The following CETP variants were observed in gnomAD, a reference collection of about 807,000 sequenced individuals.
CETP encodes the protein cholesteryl ester transfer protein.
CETP carries 56 observed loss-of-function variants against 66.5 expected under a neutral mutation model. The ratio of observed to expected loss-of-function variants is 0.84; its 90% CI spans 0.68 to 1.05. The LOEUF (loss-of-function observed/expected upper bound fraction) is 1.05, where lower values mean the gene tolerates loss of function less well. Ranked by LOEUF, CETP falls within the 50% of genes least tolerant of loss-of-function variation. CETP has a pLI of 0.00. For synonymous variants in CETP, 251 were observed against 245.7 expected (o/e 1.02, Z -0.20); for missense variants, 612 against 609.6 (o/e 1.00, Z -0.04).
At chr16:56,966,640 C>T (rs1468170576) in intron 2 of CETP, among the ~76,000 whole-genome samples, 1 of 152,046 alleles carries the variant, frequency 6.6e-6, no homozygotes, top group Admixed American at 6.6e-5. Context: ...GCACTTGTCG[C>T]CCAGGCTGGA....
chr16:56,973,912 TG>T (rs2056131743), intron 9 of CETP, among the ~76,000 whole-genome samples: 1 of 152,184 alleles, frequency 6.6e-6, no homozygotes, highest in African/African-American at 2.4e-5. Context: ...GGTACGTGAC[TG>T]GGGGCTGCAT....
At chr16:56,982,661 T>C (rs751956276) in intron 14 of CETP, among the ~76,000 whole-genome samples, 1 of 152,242 alleles carries the variant, frequency 6.6e-6, no homozygotes, top group Non-Finnish European at 1.5e-5. Context: ...GTAGAATATT[T>C]ATCCCTTTGA....
intron 6 of CETP, 90 bp from the exon 7 acceptor site, chr16:56,971,230 TC>T: frequency 6.6e-7 from 1 of 1,516,756 alleles, no homozygotes; most frequent in Non-Finnish European, 9.1e-7. Context: ...CCTGTGCCGG[TC>T]CCCAGCACTG....
At chr16:56,966,563 CTGGGTTTTTTTGTTTGTTTGTTTG>C (rs1185574726) in intron 2 of CETP, among the ~76,000 whole-genome samples, 7 of 152,112 alleles carry the variant, frequency 4.6e-5, no homozygotes, top group Non-Finnish European at 1.0e-4. Flanking sequence ...TGCAGCCCGG[CTGGGTTTTTTTGTTTGTTTGTTTG>C]TGGGTTTTTT....
Position 56,983,361 on chromosome 16 carries a change from A to C in CETP, c.1357A>C (p.Lys453Gln), listed in dbSNP as rs2142007849. The change falls in exon 15 of 16, where the codon AAA becomes CAA. Residue 453 changes from lysine (K) to glutamine (Q), a missense_variant. Transcript: ENST00000200676. ...EVVFTALMNS[K>Q]GVSLFDIINP... ...AGTGTTTACAGCCCTCATGAACAGC[A>C]AAGGCGTGAGCCTCTTCGACATCAT... is the stretch of plus-strand genomic sequence containing the variant. 1 of 1,614,246 alleles carries C rather than the reference A, an allele frequency of 6.2e-7. No individual in the cohort carries two copies. Among genetic ancestry groups the C allele is most frequent in the Non-Finnish European group, 8.5e-7 (1 of 1,180,042 alleles).
intron 2 of CETP, 33 bp downstream of exon 2, chr16:56,963,157 G>C: frequency 1.9e-6 from 3 of 1,571,424 alleles, no homozygotes; most frequent in Non-Finnish European, 1.8e-6. Flanking sequence ...CCAGGCTGGG[G>C]GTAGGGAGGC....
intron 8 of CETP, 100 bp from the exon 9 acceptor site, chr16:56,973,231 A>T: frequency 7.9e-7 from 1 of 1,266,308 alleles, no homozygotes; most frequent in African/African-American, 1.5e-5. Flanking sequence ...CCCCATCTGC[A>T]CTCTGGGCTG....
At chr16:56,962,437 T>C (rs1272867870) in intron 1 of CETP, 2 of 563,496 alleles carry the variant, frequency 3.5e-6, no homozygotes, top group Non-Finnish European at 6.8e-6. Context: ...GATTAGGAGG[T>C]TGGTGTATAT....
At position 56,981,647 on chromosome 16, in the gene CETP, G is replaced by T; in HGVS notation, c.1215G>T (p.Gln405His). ...AATTATCATCGCTTTTTTATTTCAG[G>T]ATTACACCAAAGACTGTTTCCAACT... is the stretch of plus-strand genomic sequence containing the variant. ...KKLFLSLLDFQITPKTVSNLT... is the reference protein window; with the variant it reads ...KKLFLSLLDFHITPKTVSNLT... The change falls in exon 13 of 16, where the codon CAG becomes CAT. Residue 405 changes from glutamine to histidine, a missense_variant and splice_region_variant. By Grantham distance (24) the Gln-to-His change is conservative (BLOSUM62 0). Transcript: ENST00000200676. 3 of 1,613,922 alleles carry T rather than the reference G, an allele frequency of 1.9e-6. No individual in the cohort carries two copies. The highest frequency in any genetic ancestry group is 2.5e-6 in the Non-Finnish European group (3 of 1,179,776).
At chr16:56,980,628 A>G (rs1397076971) in intron 11 of CETP, among the ~76,000 whole-genome samples, 5 of 152,198 alleles carry the variant, frequency 3.3e-5, no homozygotes, top group Admixed American at 6.5e-5. Context: ...ATTTGTTAAA[A>G]AAAAGAATTA....
chr16:56,970,547 G>A (rs12720861), intron 5 of CETP, among the ~76,000 whole-genome samples: 3,955 of 152,296 alleles, frequency 0.026, 189 homozygotes, highest in African/African-American at 0.09. Flanking sequence ...TTACTCTCCT[G>A]CTTCCCAGGG....
intron 15 of CETP, 55 bp from the exon 16 acceptor site, chr16:56,983,537 G>C (rs1389312066): frequency 5.6e-6 from 9 of 1,604,988 alleles, no homozygotes; most frequent in African/African-American, 1.3e-5. Flanking sequence ...GCTCCCTCCT[G>C]GTGGCCTGGG....
At chr16:56,970,898 G>A (rs529957443) in intron 5 of CETP, 135 bp from the exon 6 acceptor site, 4 of 811,966 alleles carry the variant, frequency 4.9e-6, no homozygotes, top group Non-Finnish European at 8.4e-6. Context: ...GCTGCAAAAT[G>A]GGAGTGATAA....
chr16:56,973,221 C>A, intron 8 of CETP, 110 bp from the exon 9 acceptor site: 1 of 1,143,056 alleles, frequency 8.7e-7, no homozygotes, highest in East Asian at 2.4e-5. Flanking sequence ...TCCTCAGTTT[C>A]CCCATCTGCA....
chr16:56,963,140 G>A lies in CETP; in HGVS notation c.233+16G>A. 6.2e-7 allele frequency: 1 copy of A among 1,602,586 alleles called. No homozygotes were observed. The highest frequency in any genetic ancestry group is 8.5e-7 in the Non-Finnish European group (1 of 1,169,890). ...GGTTGCACAAGTGAGTCGGGCCTCG[G>A]GTGTGACCAGGCTGGGGGTAGGGAG... On this transcript the variant is annotated intron_variant, in intron 2 of 15. Transcript: ENST00000200676.
intron 9 of CETP, 76 bp from the exon 10 acceptor site, chr16:56,975,025 C>G (rs2056139533): frequency 8.0e-6 from 11 of 1,367,330 alleles, no homozygotes; most frequent in Non-Finnish European, 9.4e-6. Context: ...TGAAACTGCC[C>G]TTGGTCCCTG....
chr16:56,978,369 T>G (rs542626911), intron 11 of CETP, 114 bp downstream of exon 11: 1 of 1,238,526 alleles, frequency 8.1e-7, no homozygotes, highest in African/African-American at 1.5e-5. Flanking sequence ...CCACCTCTGC[T>G]GGCACTGGTT....
intron 1 of CETP, 109 bp from the exon 2 acceptor site, chr16:56,962,901 C>T (rs938655522): frequency 1.3e-5 from 12 of 920,802 alleles, no homozygotes; most frequent in African/African-American, 3.3e-5. Context: ...TTAAGACCTG[C>T]TGGGAGCCTC....
Position 56,969,708 on chromosome 16 carries a change from G to T in CETP, c.439+27G>T, listed in dbSNP as rs367562884. On this transcript the variant is annotated intron_variant, in intron 4 of 15. Coordinates refer to ENST00000200676, the MANE Select transcript of CETP (RefSeq NM_000078.3). ...TATGTGTCAAGCGTCCTCTGGGGAA[G>T]TGGGAGCTGGACTCCAGGGCTTGGC... is the stretch of plus-strand genomic sequence containing the variant. The T allele has an allele frequency of 6.8e-6, 11 of 1,612,084 alleles. No homozygotes were observed. In the African/African-American group the frequency reaches 1.3e-4, roughly 20 times the overall value.
Sources: allele counts gnomAD v4.1 joint callset (sites outside exome capture counted in the v4.1 genomes callset), GRCh38; gene constraint gnomAD v4.1.1; transcripts MANE v1.5; gene names NCBI Gene and HGNC (gene_info 2026-07-23, HGNC 2026-07-21).